Variants in XRCC3 observed in about 807,000 individuals in gnomAD.
The protein encoded by XRCC3 is DNA repair protein XRCC3.
Under a neutral mutation model 29.2 loss-of-function variants are expected in XRCC3, and 34 were observed. That is an observed-to-expected ratio of 1.16 (90% CI 0.88 to 1.55). The LOEUF (loss-of-function observed/expected upper bound fraction) is 1.55, where lower values mean the gene tolerates loss of function less well. Ranked by LOEUF, XRCC3 falls within the 40% of genes most tolerant of loss-of-function variation. The pLI, the probability that XRCC3 is intolerant of heterozygous loss-of-function variation, is 0.00. For synonymous variants in XRCC3, 223 were observed against 211.3 expected, an observed-to-expected ratio of 1.06 and a Z score of -0.48; for missense variants, 463 against 467.6, an observed-to-expected ratio of 0.99 and a Z score of 0.09.
rs1211824536 is a variant in XRCC3, at chr14:103,707,106, G to GC, written c.302dup (p.Ile102HisfsTer3). On this transcript the variant is annotated frameshift_variant, in exon 6 of 10. Transcript: ENST00000555055. LOFTEE classifies it high-confidence loss of function. ...AGCTGCGTCCGGCCAGCTCAGTGAT[G>GC]CCGTCCAGGGGCAGGCCACCGCGGA... 2 of 1,551,836 alleles carry GC rather than the reference G, an allele frequency of 1.3e-6. No homozygotes were observed. Among genetic ancestry groups the GC allele is most frequent in the African/African-American group, 1.4e-5 (1 of 73,162 alleles).
At chr14:103,707,423 G>A (rs2083473953) in intron 5 of XRCC3, 1 of 643,466 alleles carries the variant, frequency 1.6e-6, no homozygotes, top group Non-Finnish European at 2.8e-6. Flanking sequence ...GAGTCAGGGG[G>A]AGCCCCAGGG....
intron 5 of XRCC3, chr14:103,708,233 G>A: frequency 2.1e-6 from 1 of 480,800 alleles, no homozygotes. Context: ...TCTGGGTGCT[G>A]ACTGCCAAAT....
At chr14:103,710,995 C>G in intron 4 of XRCC3, 38 bp downstream of exon 4, 1 of 1,605,670 alleles carries the variant, frequency 6.2e-7, no homozygotes, top group Non-Finnish European at 8.5e-7. Flanking sequence ...ACTGCACACA[C>G]CCACCCACAC....
chr14:103,707,948 G>C, intron 5 of XRCC3: 1 of 215,188 alleles, frequency 4.6e-6, no homozygotes, highest in Non-Finnish European at 9.4e-6. Flanking sequence ...TGTGGCCGTG[G>C]CACCTGCCCA....
chr14:103,705,955 T>G, intron 6 of XRCC3: 1 of 202,272 alleles, frequency 4.9e-6, no homozygotes, highest in South Asian at 7.9e-5. Flanking sequence ...CCAACTCCTG[T>G]CCTCCCGGCT....
At position 103,708,574 on chromosome 14, in the gene XRCC3, C is replaced by G; in HGVS notation, c.141G>C (p.Trp47Cys). ...RLTNLSSPEV[W>C]HLLRTASLHL... ...GTAAGGAGGCCGTTCTCAGCAAGTGCCAGACCTCGGGGCTGGAGAGGTTGG... is the reference window on the plus strand; with the variant it reads ...GTAAGGAGGCCGTTCTCAGCAAGTGGCAGACCTCGGGGCTGGAGAGGTTGG... The change falls in exon 5 of 10, where the codon TGG becomes TGC. Residue 47 changes from tryptophan to cysteine, a missense_variant. Coordinates refer to ENST00000555055, the MANE Select transcript of XRCC3 (RefSeq NM_005432.4). 1 of 1,614,094 alleles carries G rather than the reference C, an allele frequency of 6.2e-7. No homozygotes were observed. Among genetic ancestry groups the G allele is most frequent in the Non-Finnish European group, 8.5e-7 (1 of 1,180,020 alleles).
At chr14:103,710,867 C>CAT (rs1360750015) in intron 4 of XRCC3, 166 bp downstream of exon 4, 8 of 666,698 alleles carry the variant, frequency 1.2e-5, no homozygotes, top group Non-Finnish European at 2.2e-5. Context: ...CACACACACA[C>CAT]ACACACACAC....
intron 7 of XRCC3, chr14:103,700,715 C>T (rs35107466): frequency 2.2e-5 from 36 of 1,600,546 alleles, no homozygotes; most frequent in Middle Eastern, 3.4e-4. Flanking sequence ...GCCTGGAAGA[C>T]GCCACCGCTA....
At chr14:103,701,011 A>G (rs1388905183) in intron 7 of XRCC3, among the ~76,000 whole-genome samples, 1 of 152,210 alleles carries the variant, frequency 6.6e-6, no homozygotes, top group Non-Finnish European at 1.5e-5. Context: ...TTGGTGCTCC[A>G]GGGAGCAGAG....
At chr14:103,702,861 C>T (rs375575421) in intron 7 of XRCC3, 134 of 412,792 alleles carry the variant, frequency 3.2e-4, no homozygotes, top group African/African-American at 2.3e-3. Flanking sequence ...ATCCAGTCGC[C>T]CTCAGTAGCT....
At chr14:103,707,244 A>C in intron 5 of XRCC3, 29 bp from the exon 6 acceptor site, 1 of 1,547,236 alleles carries the variant, frequency 6.5e-7, no homozygotes, top group South Asian at 1.2e-5. Flanking sequence ...GTCAGGCCTG[A>C]CTCTCCTGGG....
chr14:103,700,608 G>A (rs745347028), intron 7 of XRCC3: 1 of 1,520,520 alleles, frequency 6.6e-7, no homozygotes, highest in Non-Finnish European at 9.1e-7. Context: ...GACGCCTGAG[G>A]GCCGCCTGCA....
intron 1 of XRCC3, among the ~76,000 whole-genome samples, chr14:103,715,104 C>A (rs2083766760): frequency 6.6e-6 from 1 of 152,186 alleles, no homozygotes; most frequent in Non-Finnish European, 1.5e-5. Context: ...GGGGCGCAGC[C>A]GCGGGCCCAC....
intron 4 of XRCC3, chr14:103,708,904 G>A (rs1277060567): frequency 2.0e-6 from 1 of 507,322 alleles, no homozygotes; most frequent in Non-Finnish European, 3.6e-6. Flanking sequence ...ACAGATACCA[G>A]CCTCGTGAGC....
chr14:103,705,217 A>T (rs930154542), intron 6 of XRCC3: 3 of 152,284 alleles, frequency 2.0e-5, no homozygotes, highest in Non-Finnish European at 2.9e-5. Flanking sequence ...CAGTGTCCCC[A>T]GCAGTGACTG....
At chr14:103,699,993 C>T (rs1284629384) in intron 7 of XRCC3, 1 of 308,622 alleles carries the variant, frequency 3.2e-6, no homozygotes, top group Admixed American at 4.4e-5. Context: ...ACCAGGTACT[C>T]AGACCACCCA....
chr14:103,708,019 G>T (rs900313531), intron 5 of XRCC3: 2 of 226,572 alleles, frequency 8.8e-6, no homozygotes, highest in Non-Finnish European at 1.8e-5. Flanking sequence ...CACCTGCAGG[G>T]GAGAGAGGGC....
rs1241494948 is a variant in XRCC3, at chr14:103,698,807, C to T, written c.1032G>A (p.Gln344=). 1 of 1,598,392 alleles carries T rather than the reference C, an allele frequency of 6.3e-7. No homozygotes were observed. ...TGCAGCCGCCACCGTGTCAGTGGGA[C>T]TGGGTCCCAGGTGTCCCTCGCACCC... The part of the protein sequence containing the change: ...AEGVRGTPGT[Q]SH Residue 344 remains glutamine (Q), a synonymous_variant, in exon 10 of 10, where the codon CAG becomes CAA. Coordinates refer to ENST00000555055, the MANE Select transcript of XRCC3 (RefSeq NM_005432.4).
chr14:103,707,505 C>T (rs1019041499), intron 5 of XRCC3: 3 of 521,102 alleles, frequency 5.8e-6, no homozygotes, highest in South Asian at 2.0e-5. Flanking sequence ...CCAAAGCTTC[C>T]AGAGAGCCCC....
Sources: gnomAD v4.1 joint callset for allele counts (sites outside exome capture counted in the v4.1 genomes callset) on GRCh38, gnomAD v4.1.1 for gene constraint, MANE v1.5 for transcripts, NCBI Gene and HGNC (gene_info 2026-07-23, HGNC 2026-07-21) for gene names.